SGCZ: variants seen among roughly 807,000 people sequenced by gnomAD.
SGCZ encodes zeta-sarcoglycan.
SGCZ carries 40 observed loss-of-function variants against 41.3 expected under a neutral mutation model. The observed-to-expected ratio is 0.97, with a 90% confidence interval of 0.75 to 1.26. SGCZ has a LOEUF of 1.26. SGCZ is among the 50% of genes most tolerant of loss of function. The probability of loss-of-function intolerance (pLI) is 0.00; values close to 1 mark genes in which losing one functional copy is unlikely to be tolerated. For missense variants in SGCZ, 552 were observed against 369.8 expected, an observed-to-expected ratio of 1.49 and a Z score of -4.04; for synonymous variants, 206 against 137.5, an observed-to-expected ratio of 1.50 and a Z score of -3.49.
chr8:14,654,132 C>G (rs1318091255), intron 1 of SGCZ, among the ~76,000 whole-genome samples: 2 of 151,364 alleles, frequency 1.3e-5, no homozygotes, highest in African/African-American at 4.9e-5. Context: ...CACACACACA[C>G]AGAGTAGTAG....
intron 1 of SGCZ, among the ~76,000 whole-genome samples, chr8:15,157,171 T>C (rs1424518763): frequency 5.9e-5 from 9 of 152,064 alleles, no homozygotes; most frequent in Non-Finnish European, 8.8e-5. Flanking sequence ...ATTACATACA[T>C]AGATGATGAC....
At chr8:14,113,219 C>G (rs1802426364) in intron 5 of SGCZ, among the ~76,000 whole-genome samples, 1 of 152,060 alleles carries the variant, frequency 6.6e-6, no homozygotes, top group Non-Finnish European at 1.5e-5. Flanking sequence ...CTCCTGTAAT[C>G]TGAGCCCATT....
chr8:14,883,902 G>A (rs1438141351), intron 1 of SGCZ, among the ~76,000 whole-genome samples: 2 of 146,638 alleles, frequency 1.4e-5, no homozygotes, highest in Non-Finnish European at 3.0e-5. Context: ...TCTCATTTCT[G>A]TTTACTGAAG....
chr8:15,163,357 G>T (rs1468146824), intron 1 of SGCZ, among the ~76,000 whole-genome samples: 1 of 152,314 alleles, frequency 6.6e-6, no homozygotes, highest in African/African-American at 2.4e-5. Context: ...GAGATCCAAG[G>T]TTCAGCCTTC....
At chr8:14,481,187 T>C (rs1801525886) in intron 2 of SGCZ, among the ~76,000 whole-genome samples, 1 of 152,126 alleles carries the variant, frequency 6.6e-6, no homozygotes, top group African/African-American at 2.4e-5. Context: ...AATAGTTAAT[T>C]AATATATGAT....
At chr8:15,139,716 A>G (rs1304732582) in intron 1 of SGCZ, among the ~76,000 whole-genome samples, 1 of 152,138 alleles carries the variant, frequency 6.6e-6, no homozygotes, top group Non-Finnish European at 1.5e-5. Context: ...AGATCTCTAG[A>G]CCTGTACATC....
intron 5 of SGCZ, 28 bp from the exon 6 acceptor site, chr8:14,108,263 G>C: frequency 6.3e-7 from 1 of 1,599,262 alleles, no homozygotes; most frequent in African/African-American, 1.3e-5. Context: ...ATAGCAGTCA[G>C]TATAAGCAAG....
At chr8:15,023,388 T>A (rs990437287) in intron 1 of SGCZ, among the ~76,000 whole-genome samples, 1 of 152,164 alleles carries the variant, frequency 6.6e-6, no homozygotes, top group Non-Finnish European at 1.5e-5. Flanking sequence ...TGCCATCAAG[T>A]GGAAGACAAC....
chr8:15,204,403 T>A (rs1027923846), intron 1 of SGCZ, among the ~76,000 whole-genome samples: 4 of 152,182 alleles, frequency 2.6e-5, no homozygotes, highest in Non-Finnish European at 5.9e-5. Context: ...TAGCATGAAT[T>A]AAATCCACAT....
At chr8:14,566,754 C>A (rs896874964) in intron 1 of SGCZ, among the ~76,000 whole-genome samples, 1 of 152,246 alleles carries the variant, frequency 6.6e-6, no homozygotes, top group Admixed American at 6.5e-5. Flanking sequence ...CGCCGCTGCA[C>A]TGTGGGAGCC....
At chr8:14,239,639 A>C (rs931824239) in intron 3 of SGCZ, among the ~76,000 whole-genome samples, 1 of 152,090 alleles carries the variant, frequency 6.6e-6, no homozygotes, top group Non-Finnish European at 1.5e-5. Context: ...GAATTATTTC[A>C]CGCCTGTAAT....
chr8:14,544,428 G>A (rs564942128), intron 2 of SGCZ, among the ~76,000 whole-genome samples: 32 of 152,176 alleles, frequency 2.1e-4, no homozygotes, highest in Admixed American at 9.8e-4. Context: ...GATTGCCTGC[G>A]GGGTCGGGGA....
intron 1 of SGCZ, among the ~76,000 whole-genome samples, chr8:14,736,704 C>T (rs1799044686): frequency 6.6e-6 from 1 of 152,092 alleles, no homozygotes; most frequent in African/African-American, 2.4e-5. Context: ...TTAGCTCCCA[C>T]ATATCAGTGA....
At chr8:15,219,907 T>C (rs986459608) in intron 1 of SGCZ, among the ~76,000 whole-genome samples, 1 of 152,050 alleles carries the variant, frequency 6.6e-6, no homozygotes, top group Non-Finnish European at 1.5e-5. Context: ...TGAGATAAAA[T>C]AAACAAAAAA....
At chr8:14,457,517 C>T (rs902625905) in intron 2 of SGCZ, among the ~76,000 whole-genome samples, 37 of 152,214 alleles carry the variant, frequency 2.4e-4, no homozygotes, top group African/African-American at 8.9e-4. Flanking sequence ...GTCAGGCTTG[C>T]CTGCAGTTAT....
chr8:14,102,639 T>TACCA (rs1342537367), intron 6 of SGCZ, 140 bp from the exon 7 acceptor site: 2 of 786,584 alleles, frequency 2.5e-6, no homozygotes, highest in Non-Finnish European at 3.4e-6. Context: ...GGAAAAGTCC[T>TACCA]ACCATTTTAG....
At chr8:14,651,912 G>GTA (rs1807412346) in intron 1 of SGCZ, among the ~76,000 whole-genome samples, 1 of 151,522 alleles carries the variant, frequency 6.6e-6, no homozygotes, top group Non-Finnish European at 1.5e-5. Context: ...GGGAAAAAAA[G>GTA]TATATCTTTG....
intron 5 of SGCZ, among the ~76,000 whole-genome samples, chr8:14,162,059 T>G (rs1406368882): frequency 6.6e-6 from 1 of 152,174 alleles, no homozygotes; most frequent in Admixed American, 6.5e-5. Flanking sequence ...CTTGCCAATT[T>G]GGGCTAAGGA....
chr8:14,103,030 C>A (rs1392987717), intron 6 of SGCZ, among the ~76,000 whole-genome samples: 4 of 152,116 alleles, frequency 2.6e-5, no homozygotes, highest in Non-Finnish European at 5.9e-5. Flanking sequence ...CTTGACACCT[C>A]TAGAAACTGA....
Sources: allele counts gnomAD v4.1 joint callset (sites outside exome capture counted in the v4.1 genomes callset), GRCh38; gene constraint gnomAD v4.1.1; transcripts MANE v1.5; gene names NCBI Gene and HGNC (gene_info 2026-07-23, HGNC 2026-07-21).